Variants in CFAP61 observed in about 807,000 individuals in gnomAD.
CFAP61 encodes cilia and flagella associated protein 61.
A neutral mutation model predicts 135.6 loss-of-function variants in CFAP61; 107 were observed. The ratio of observed to expected loss-of-function variants is 0.79; its 90% CI spans 0.67 to 0.93. The LOEUF (loss-of-function observed/expected upper bound fraction) is 0.93, where lower values mean the gene tolerates loss of function less well. CFAP61 is among the 40% of genes least tolerant of loss of function. CFAP61 has a pLI of 0.00. For synonymous variants in CFAP61, 575 were observed against 578.5 expected, an observed-to-expected ratio of 0.99 and a Z score of 0.09; for missense variants, 1,507 against 1,556.2, an observed-to-expected ratio of 0.97 and a Z score of 0.53.
chr20:20,203,979 G>A (rs1043910563), intron 17 of CFAP61, among the ~76,000 whole-genome samples: 14 of 152,274 alleles, frequency 9.2e-5, no homozygotes, highest in Middle Eastern at 6.8e-3. Flanking sequence ...TCCTTTCCAG[G>A]AATGGGAGTT....
intron 25 of CFAP61, among the ~76,000 whole-genome samples, chr20:20,330,049 T>A (rs2057924913): frequency 1.3e-5 from 2 of 152,212 alleles, no homozygotes; most frequent in African/African-American, 2.4e-5. Flanking sequence ...ACAGACTCAC[T>A]TTCTTCACCT....
intron 17 of CFAP61, chr20:20,225,650 C>T (rs1202839416): frequency 1.3e-5 from 2 of 152,188 alleles, no homozygotes; most frequent in South Asian, 2.1e-4. Context: ...CTTACACTTC[C>T]AACAGCAGAG....
rs556192783 is a variant in CFAP61, at chr20:20,251,651, T to C, written c.2216T>C (p.Val739Ala). 1.9e-6 allele frequency: 3 copies of C among 1,614,214 alleles called. No individual in the cohort carries two copies. In the South Asian group the frequency reaches 3.3e-5, roughly 18 times the overall value. ...ALMSLCSWVN[V>A]VVGRMTGIDR... Reference sequence around the variant, plus strand: ...ATGTCACTGTGCTCCTGGGTTAATGTCGTGGTGGGTAGAATGACCGGCATA... The same window carrying C: ...ATGTCACTGTGCTCCTGGGTTAATGCCGTGGTGGGTAGAATGACCGGCATA... Residue 739 changes from valine to alanine, a missense_variant, in exon 20 of 27, where the codon GTC becomes GCC. Coordinates refer to ENST00000245957, the MANE Select transcript of CFAP61 (RefSeq NM_015585.4).
chr20:20,260,867 G>T (rs982905884), intron 20 of CFAP61, among the ~76,000 whole-genome samples: 2 of 152,168 alleles, frequency 1.3e-5, no homozygotes, highest in Non-Finnish European at 2.9e-5. Context: ...ATGCTACAAT[G>T]CTCCTTGTAG....
At chr20:20,219,900 A>G (rs1437925245) in intron 17 of CFAP61, among the ~76,000 whole-genome samples, 3 of 152,212 alleles carry the variant, frequency 2.0e-5, no homozygotes, top group African/African-American at 7.2e-5. Flanking sequence ...CAACAGAAAC[A>G]TCTTTTGTTA....
intron 25 of CFAP61, among the ~76,000 whole-genome samples, chr20:20,337,185 T>G (rs575439342): frequency 6.6e-6 from 1 of 152,250 alleles, no homozygotes; most frequent in East Asian, 1.9e-4. Flanking sequence ...AAGCAGCCAC[T>G]GGAAATAAGG....
intron 2 of CFAP61, among the ~76,000 whole-genome samples, chr20:20,066,773 A>G (rs1442736948): frequency 2.0e-5 from 3 of 152,174 alleles, no homozygotes; most frequent in African/African-American, 4.8e-5. Context: ...TGTATATGTA[A>G]CAAACCTGTA....
intron 26 of CFAP61, among the ~76,000 whole-genome samples, chr20:20,351,866 A>G (rs1261634442): frequency 6.6e-6 from 1 of 152,024 alleles, no homozygotes; most frequent in African/African-American, 2.4e-5. Context: ...TGCCAATGTC[A>G]TTTTTCACAG....
intron 17 of CFAP61, chr20:20,225,482 C>T (rs1308772142): frequency 6.6e-6 from 1 of 152,172 alleles, no homozygotes; most frequent in Non-Finnish European, 1.5e-5. Context: ...ATGTGTGAGG[C>T]CCGGCAGCTG....
intron 16 of CFAP61, among the ~76,000 whole-genome samples, chr20:20,197,425 A>T (rs909158797): frequency 1.4e-4 from 22 of 152,152 alleles, no homozygotes; most frequent in African/African-American, 5.1e-4. Context: ...AGTGTTCCTC[A>T]TAGCACTCAC....
At chr20:20,357,491 ACTGAGGGGAG>A (rs2059269240) in intron 26 of CFAP61, among the ~76,000 whole-genome samples, 1 of 58,478 alleles carries the variant, frequency 1.7e-5, no homozygotes, top group Non-Finnish European at 3.1e-5. Context: ...AGGTGGTCAC[ACTGAGGGGAG>A]GTGGTCACAC....
In CFAP61 at chr20:20,172,088, C is replaced by G. The variant is rs568179932; in HGVS notation, c.1385+2628C>G. On this transcript the variant is annotated intron_variant, in intron 13 of 26. Transcript: ENST00000245957. ...TGTTGCTGGTAGGTTGGGCATGTGT[C>G]CAGTAAAAAACTCAGTTGATTCCTT... is the stretch of plus-strand genomic sequence containing the variant. 216 of 590,032 alleles carry G rather than the reference C, an allele frequency of 3.7e-4. 1 individual carries two copies. Among genetic ancestry groups the G allele is most frequent in the Non-Finnish European group, 4.9e-4 (211 of 431,396 alleles). The allele number at this position is 590,032 out of a possible 1,614,324, so 36.5% of individuals were successfully genotyped here.
chr20:20,266,408 T>G lies in CFAP61; in HGVS notation c.2503+3278T>G, dbSNP rs2052744990. On this transcript the variant is annotated intron_variant, in intron 21 of 26. Transcript: ENST00000245957. ...GCTCCAAGCCATTTCTTTGATAATT[T>G]CAGCTCTACTCTATCTCAGTGTCAC... Among the ~76,000 whole-genome samples, 2 of 152,252 alleles carry G rather than the reference T, an allele frequency of 1.3e-5. 1 individual carries two copies. Among genetic ancestry groups the G allele is most frequent in the South Asian group, 4.1e-4 (2 of 4,834 alleles).
At chr20:20,102,169 A>G (rs924940910) in intron 8 of CFAP61, among the ~76,000 whole-genome samples, 2 of 152,194 alleles carry the variant, frequency 1.3e-5, no homozygotes, top group Non-Finnish European at 2.9e-5. Context: ...CTGTTTCCCT[A>G]TGTCACATCC....
At chr20:20,267,705 C>T (rs2052894865) in intron 21 of CFAP61, 1 of 152,238 alleles carries the variant, frequency 6.6e-6, no homozygotes, top group African/African-American at 2.4e-5. Flanking sequence ...AACGTAGCCT[C>T]GCAGACGGTT....
At chr20:20,114,824 GT>G (rs1181921360) in intron 8 of CFAP61, among the ~76,000 whole-genome samples, 27 of 152,210 alleles carry the variant, frequency 1.8e-4, no homozygotes, top group African/African-American at 6.5e-4. Context: ...TAACTGAAAA[GT>G]TTTCAGTATT....
chr20:20,164,288 C>T, intron 11 of CFAP61, 60 bp downstream of exon 11: 2 of 1,510,154 alleles, frequency 1.3e-6, no homozygotes, highest in Non-Finnish European at 1.8e-6. Flanking sequence ...ATTGGTGGCC[C>T]AACATTTTAA....
intron 8 of CFAP61, among the ~76,000 whole-genome samples, chr20:20,128,155 A>T (rs1309591773): frequency 6.6e-6 from 1 of 151,666 alleles, no homozygotes; most frequent in Non-Finnish European, 1.5e-5. Context: ...CCTTCTGTGG[A>T]GACTGCACAC....
chr20:20,203,271 A>G (rs865926256), intron 17 of CFAP61, among the ~76,000 whole-genome samples: 3 of 152,194 alleles, frequency 2.0e-5, no homozygotes, highest in African/African-American at 7.2e-5. Flanking sequence ...ACCAGTGTGA[A>G]TGCATGGGTA....
Sources: allele counts gnomAD v4.1 joint callset (sites outside exome capture counted in the v4.1 genomes callset), GRCh38; gene constraint gnomAD v4.1.1; transcripts MANE v1.5; gene names NCBI Gene and HGNC (gene_info 2026-07-23, HGNC 2026-07-21).